The following CDH13 variants were observed in gnomAD, a reference collection of about 807,000 sequenced individuals.
The protein encoded by CDH13 is cadherin 13.
A neutral mutation model predicts 63.8 loss-of-function variants in CDH13; 24 were observed. The observed-to-expected ratio is 0.38, with a 90% CI of 0.27 to 0.53. The LOEUF is 0.53. Among genes scored for constraint, CDH13 ranks in the 20% least tolerant of loss-of-function variants. CDH13 has a pLI of 0.85. For missense variants in CDH13, 1,049 were observed against 903.1 expected (o/e 1.16, Z -2.07); for synonymous variants, 503 against 355.3 (o/e 1.42, Z -4.67).
At chr16:82,756,020 TAGGGGCTGGGAAGCAATAAAGCA>T (rs1327354755) in intron 1 of CDH13, among the ~76,000 whole-genome samples, 3 of 152,092 alleles carry the variant, frequency 2.0e-5, no homozygotes, top group African/African-American at 7.2e-5. Context: ...AATACTTGAG[TAGGGGCTGGGAAGCAATAAAGCA>T]AGTGGTATTT....
intron 4 of CDH13, among the ~76,000 whole-genome samples, chr16:83,174,491 G>T (rs1054167904): frequency 6.6e-6 from 1 of 152,068 alleles, no homozygotes; most frequent in Non-Finnish European, 1.5e-5. Flanking sequence ...TTCTGAGCCA[G>T]AATAAAGTTT....
chr16:83,595,649 G>C (rs1907180284), intron 7 of CDH13, among the ~76,000 whole-genome samples: 1 of 152,162 alleles, frequency 6.6e-6, no homozygotes, highest in African/African-American at 2.4e-5. Flanking sequence ...GAAAGTGTGA[G>C]AGGTTACATG....
intron 5 of CDH13, among the ~76,000 whole-genome samples, chr16:83,291,996 T>C (rs1325493605): frequency 6.6e-6 from 1 of 152,046 alleles, no homozygotes; most frequent in Non-Finnish European, 1.5e-5. Flanking sequence ...TGAATTTGTA[T>C]AGGAGAGTTA....
At chr16:83,479,837 A>C (rs1306839336) in intron 6 of CDH13, among the ~76,000 whole-genome samples, 6 of 152,200 alleles carry the variant, frequency 3.9e-5, no homozygotes, top group Non-Finnish European at 8.8e-5. Flanking sequence ...GTGCCCTGCA[A>C]GGGGCCATAG....
At chr16:82,843,300 CCTT>C (rs1387705556) in intron 1 of CDH13, among the ~76,000 whole-genome samples, 31 of 152,264 alleles carry the variant, frequency 2.0e-4, no homozygotes, top group African/African-American at 7.5e-4. Flanking sequence ...ATGCATGAGT[CCTT>C]CAGAATACAT....
chr16:82,923,036 C>T (rs1191523636), intron 2 of CDH13, among the ~76,000 whole-genome samples: 2 of 151,898 alleles, frequency 1.3e-5, no homozygotes, highest in Non-Finnish European at 2.9e-5. Context: ...AAAGTATATA[C>T]CTTAAAGAAC....
chr16:83,301,996 A>G (rs1375150233), intron 5 of CDH13, among the ~76,000 whole-genome samples: 2 of 152,126 alleles, frequency 1.3e-5, no homozygotes, highest in South Asian at 2.1e-4. Flanking sequence ...TAAGGAATGA[A>G]GTAAAACTTG....
intron 2 of CDH13, among the ~76,000 whole-genome samples, chr16:82,931,006 T>G (rs1259434499): frequency 6.6e-6 from 1 of 152,234 alleles, no homozygotes; most frequent in Non-Finnish European, 1.5e-5. Flanking sequence ...AAGTTCTGTT[T>G]CTATTACTGA....
intron 7 of CDH13, among the ~76,000 whole-genome samples, chr16:83,543,314 G>C (rs1319333850): frequency 6.6e-6 from 1 of 152,216 alleles, no homozygotes; most frequent in Non-Finnish European, 1.5e-5. Flanking sequence ...AACAACCTTA[G>C]TGGGCCTTCA....
chr16:83,669,759 G>A lies in CDH13; in HGVS notation c.1102-1031G>A, dbSNP rs1316589867. 2.6e-5 allele frequency among the ~76,000 whole-genome samples: 4 copies of A among 152,160 alleles called. No individual in the cohort carries two copies. In the East Asian group the frequency reaches 5.8e-4, roughly 22 times the overall value. On this transcript the variant is annotated intron_variant, in intron 8 of 13. Coordinates refer to ENST00000567109, the MANE Select transcript of CDH13 (RefSeq NM_001257.5). ...TCAAATTACTTTTCTTTGAACACAAGGGCTTTTTGATATCACCTTACTGTC... is the reference window on the plus strand; with the variant it reads ...TCAAATTACTTTTCTTTGAACACAAAGGCTTTTTGATATCACCTTACTGTC...
intron 3 of CDH13, among the ~76,000 whole-genome samples, chr16:83,103,438 G>C (rs772490428): frequency 6.6e-6 from 1 of 151,138 alleles, no homozygotes; most frequent in Non-Finnish European, 1.5e-5. Flanking sequence ...TAGAGATGGG[G>C]TTTCACCATG....
At chr16:82,709,169 G>C (rs1053729476) in intron 1 of CDH13, among the ~76,000 whole-genome samples, 2 of 152,176 alleles carry the variant, frequency 1.3e-5, no homozygotes, top group African/African-American at 2.4e-5. Flanking sequence ...ATGAGTCTTT[G>C]AATACGCCCT....
intron 1 of CDH13, among the ~76,000 whole-genome samples, chr16:82,750,781 A>ATT (rs72165832): frequency 3.1e-4 from 46 of 150,816 alleles, no homozygotes; most frequent in East Asian, 2.7e-3. Context: ...GCTTAAGCTG[A>ATT]TTTTTTTTTT....
At chr16:83,070,964 C>T (rs2032391436) in intron 3 of CDH13, among the ~76,000 whole-genome samples, 1 of 151,294 alleles carries the variant, frequency 6.6e-6, no homozygotes, top group Non-Finnish European at 1.5e-5. Flanking sequence ...GCAGTCATGC[C>T]ACATGAGGTC....
chr16:83,426,810 T>G (rs766135903), intron 6 of CDH13, among the ~76,000 whole-genome samples: 1 of 151,862 alleles, frequency 6.6e-6, no homozygotes, highest in Non-Finnish European at 1.5e-5. Context: ...CCCATCTCTT[T>G]TCTCCTCTCT....
chr16:82,663,239 T>A (rs1912180471), intron 1 of CDH13, among the ~76,000 whole-genome samples: 1 of 152,110 alleles, frequency 6.6e-6, no homozygotes, highest in Non-Finnish European at 1.5e-5. Flanking sequence ...CTGGCTGGAG[T>A]GCAATGGCGC....
intron 1 of CDH13, among the ~76,000 whole-genome samples, chr16:82,737,854 G>A (rs1156554784): frequency 6.6e-6 from 1 of 152,206 alleles, no homozygotes; most frequent in Non-Finnish European, 1.5e-5. Flanking sequence ...ACAGTGTGAT[G>A]AGTTTGGATA....
chr16:82,748,906 C>G (rs1400845339), intron 1 of CDH13, among the ~76,000 whole-genome samples: 1 of 152,126 alleles, frequency 6.6e-6, no homozygotes, highest in Non-Finnish European at 1.5e-5. Context: ...GATACCTGCA[C>G]CTAGTTGGCC....
At chr16:83,661,209 G>A (rs966038361) in intron 8 of CDH13, among the ~76,000 whole-genome samples, 1 of 152,134 alleles carries the variant, frequency 6.6e-6, no homozygotes, top group Non-Finnish European at 1.5e-5. Context: ...CATTCTTGCT[G>A]GACTCAGTGG....
Sources: gnomAD v4.1 joint callset for allele counts (sites outside exome capture counted in the v4.1 genomes callset) on GRCh38, gnomAD v4.1.1 for gene constraint, MANE v1.5 for transcripts, NCBI Gene and HGNC (gene_info 2026-07-23, HGNC 2026-07-21) for gene names.